The following LHFPL3 variants were observed in gnomAD, a reference collection of about 807,000 sequenced individuals.
The protein encoded by LHFPL3 is LHFPL tetraspan subfamily member 3.
LHFPL3 carries 5 observed loss-of-function variants against 19.3 expected under a neutral mutation model. That is an observed-to-expected ratio of 0.26 (90% CI 0.14 to 0.54). The LOEUF is 0.54. Ranked by LOEUF, LHFPL3 falls within the 20% of genes least tolerant of loss-of-function variation. LHFPL3 has a pLI of 0.94. For missense variants in LHFPL3, 249 were observed against 307.4 expected (o/e 0.81, Z 1.42); for synonymous variants, 133 against 126.2 (o/e 1.05, Z -0.36).
chr7:104,890,497 T>C (rs1792224032), intron 2 of LHFPL3, among the ~76,000 whole-genome samples: 1 of 152,214 alleles, frequency 6.6e-6, no homozygotes, highest in South Asian at 2.1e-4. Flanking sequence ...GCTTACTGTT[T>C]ACATGCAGGG....
chr7:104,580,448 C>T (rs1790439543), intron 1 of LHFPL3, among the ~76,000 whole-genome samples: 1 of 152,072 alleles, frequency 6.6e-6, no homozygotes, highest in Non-Finnish European at 1.5e-5. Context: ...GGTATCTTTC[C>T]TTCTATCCAG....
At chr7:104,813,287 A>AAAATAAAG (rs1790508063) in intron 2 of LHFPL3, among the ~76,000 whole-genome samples, 1 of 152,166 alleles carries the variant, frequency 6.6e-6, no homozygotes, top group Non-Finnish European at 1.5e-5. Context: ...CAAAAAAGTA[A>AAAATAAAG]AAATAAAGAA....
intron 1 of LHFPL3, among the ~76,000 whole-genome samples, chr7:104,523,061 A>C (rs1361045176): frequency 6.7e-6 from 1 of 149,758 alleles, no homozygotes; most frequent in Non-Finnish European, 1.5e-5. Context: ...ATACATATAC[A>C]CATATATATA....
chr7:104,422,351 ACT>A (rs1225730196), intron 1 of LHFPL3, among the ~76,000 whole-genome samples: 2 of 147,752 alleles, frequency 1.4e-5, no homozygotes, highest in African/African-American at 5.2e-5. Flanking sequence ...ACAGAGCAAG[ACT>A]CTGTCTCAAA....
chr7:104,682,959 A>C (rs1792735884), intron 1 of LHFPL3, among the ~76,000 whole-genome samples: 1 of 152,198 alleles, frequency 6.6e-6, no homozygotes, highest in Non-Finnish European at 1.5e-5. Context: ...TTCAAGCAAA[A>C]GTAGAATTAC....
intron 1 of LHFPL3, among the ~76,000 whole-genome samples, chr7:104,338,985 C>T (rs560224177): frequency 2.6e-4 from 40 of 152,280 alleles, no homozygotes; most frequent in African/African-American, 9.1e-4. Flanking sequence ...TGGTGGCTCA[C>T]GCCTGTAATC....
intron 2 of LHFPL3, among the ~76,000 whole-genome samples, chr7:104,774,798 CTGTT>C (rs776209191): frequency 1.3e-5 from 2 of 152,156 alleles, no homozygotes; most frequent in Non-Finnish European, 2.9e-5. Flanking sequence ...CTGAGAATCT[CTGTT>C]TGTAGTATAA....
intron 2 of LHFPL3, among the ~76,000 whole-genome samples, chr7:104,894,032 C>A (rs2116711919): frequency 6.6e-6 from 1 of 151,940 alleles, no homozygotes; most frequent in South Asian, 2.1e-4. Context: ...CATCTGTGCA[C>A]AGCAGAGAAA....
intron 1 of LHFPL3, among the ~76,000 whole-genome samples, chr7:104,690,308 T>G (rs1397077896): frequency 6.6e-6 from 1 of 152,256 alleles, no homozygotes; most frequent in Non-Finnish European, 1.5e-5. Flanking sequence ...AATGTCTTTT[T>G]CTCCATTCCT....
chr7:104,402,807 T>C (rs1470868241), intron 1 of LHFPL3, among the ~76,000 whole-genome samples: 1 of 152,230 alleles, frequency 6.6e-6, no homozygotes, highest in Non-Finnish European at 1.5e-5. Flanking sequence ...TTTCCCACAA[T>C]GTAATAAGAC....
intron 2 of LHFPL3, among the ~76,000 whole-genome samples, chr7:104,867,244 G>A (rs1053635302): frequency 2.6e-5 from 4 of 152,156 alleles, no homozygotes; most frequent in African/African-American, 9.7e-5. Flanking sequence ...AAGTCAAGGA[G>A]ATAGAGACAC....
chr7:104,531,335 A>T (rs1794289873), intron 1 of LHFPL3, among the ~76,000 whole-genome samples: 1 of 152,212 alleles, frequency 6.6e-6, no homozygotes, highest in South Asian at 2.1e-4. Flanking sequence ...TAACAATCAC[A>T]TCTGTTAGCC....
chr7:104,672,923 A>C (rs1345994609), intron 1 of LHFPL3, among the ~76,000 whole-genome samples: 1 of 152,104 alleles, frequency 6.6e-6, no homozygotes, highest in Non-Finnish European at 1.5e-5. Context: ...CAATCACTAA[A>C]GGAAAAATAT....
chr7:104,365,801 A>AAAAAAAAAG (rs893610992), intron 1 of LHFPL3, among the ~76,000 whole-genome samples: 2 of 142,304 alleles, frequency 1.4e-5, no homozygotes, highest in African/African-American at 5.2e-5. Flanking sequence ...AAAAAAAAAA[A>AAAAAAAAAG]AAAAGAAAAG....
At chr7:104,370,726 CA>C (rs1336824299) in intron 1 of LHFPL3, among the ~76,000 whole-genome samples, 1 of 151,918 alleles carries the variant, frequency 6.6e-6, no homozygotes, top group Admixed American at 6.6e-5. Context: ...ACTAAAAATA[CA>C]AAAAATTAGC....
chr7:104,865,443 G>A (rs1791703407), intron 2 of LHFPL3, among the ~76,000 whole-genome samples: 1 of 152,188 alleles, frequency 6.6e-6, no homozygotes, highest in Non-Finnish European at 1.5e-5. Flanking sequence ...AGCCTCAGTA[G>A]CCGATTCGAT....
intron 1 of LHFPL3, among the ~76,000 whole-genome samples, chr7:104,348,411 T>C (rs997935086): frequency 6.6e-6 from 1 of 152,232 alleles, no homozygotes; most frequent in Non-Finnish European, 1.5e-5. Context: ...TCAATTTTGA[T>C]TTCAAGATTA....
intron 2 of LHFPL3, among the ~76,000 whole-genome samples, chr7:104,862,825 G>A (rs1038904474): frequency 1.3e-5 from 2 of 152,164 alleles, no homozygotes; most frequent in African/African-American, 2.4e-5. Flanking sequence ...TTCATTCCAC[G>A]GGAGAGTCAA....
At chr7:104,467,231 A>G (rs1415966508) in intron 1 of LHFPL3, among the ~76,000 whole-genome samples, 4 of 152,146 alleles carry the variant, frequency 2.6e-5, no homozygotes, top group African/African-American at 9.7e-5. Flanking sequence ...TTCTTGCTCT[A>G]CCTATCTCAC....
Sources: gnomAD v4.1 joint callset for allele counts (sites outside exome capture counted in the v4.1 genomes callset) on GRCh38, gnomAD v4.1.1 for gene constraint, MANE v1.5 for transcripts, NCBI Gene and HGNC (gene_info 2026-07-23, HGNC 2026-07-21) for gene names.